Variants in PPFIA3 observed in about 807,000 individuals in gnomAD.
The protein encoded by PPFIA3 is PPFI scaffold protein A3.
Under a neutral mutation model 145.8 loss-of-function variants are expected in PPFIA3, and 26 were observed. The ratio of observed to expected loss-of-function variants is 0.18; its 90% confidence interval spans 0.13 to 0.25. The LOEUF (loss-of-function observed/expected upper bound fraction) is 0.25, where lower values mean the gene tolerates loss of function less well. Ranked by LOEUF, PPFIA3 falls within the 10% of genes least tolerant of loss-of-function variation. PPFIA3 has a pLI of 1.00. For missense variants in PPFIA3, 1,008 were observed against 1,587.8 expected, an observed-to-expected ratio of 0.63 and a Z score of 6.21; for synonymous variants, 645 against 661.4, an observed-to-expected ratio of 0.98 and a Z score of 0.38.
chr19:49,149,904 C>G lies in PPFIA3; in HGVS notation c.3527-176C>G. On this transcript the variant is annotated intron_variant, in intron 28 of 29. Coordinates refer to ENST00000334186, the MANE Select transcript of PPFIA3 (RefSeq NM_003660.4). This position sits in a 1 kb window ranked among gnomAD's most constrained non-coding sequence, Gnocchi z 5.7. The stretch of plus-strand genomic sequence containing the variant: ...TAAATCCCACTCCCCCTTCCCAGGG[C>G]GGGAGTGAACTCGCCCAATGCGAGT... The G allele has an allele frequency of 9.1e-7, 1 of 1,103,636 alleles. No homozygotes were observed. The highest frequency in any genetic ancestry group is 1.3e-6 in the Non-Finnish European group (1 of 782,464). The allele number at this position is 1,103,636 out of a possible 1,614,324, so 68.4% of individuals were successfully genotyped here. A position where few individuals can be genotyped will look rare whatever the true frequency, so the allele number is the denominator to read the frequency against.
Position 49,135,889 on chromosome 19 carries a change from G to A in PPFIA3, c.1631G>A (p.Gly544Asp), listed in dbSNP as rs1185208360. 1.9e-6 allele frequency: 3 copies of A among 1,613,176 alleles called. No individual in the cohort carries two copies. Among genetic ancestry groups the A allele is most frequent in the African/African-American group, 2.7e-5 (2 of 74,912 alleles). The change falls in exon 14 of 30, where the codon GGC becomes GAC. Residue 544 changes from glycine to aspartate, a missense_variant. Around this residue, in one of 11 missense-constraint regions of PPFIA3, gnomAD observed 121 missense variants for 138.2 expected, o/e 0.88. Transcript: ENST00000334186. The stretch of plus-strand genomic sequence containing the variant: ...GGCAGTGGTCGGGCAGGCAAGAGGG[G>A]CCGCTGGTCAGGGGTCAAGGAGGAG... ...VAGSGRAGKR[G>D]RWSGVKEEPS...
intron 24 of PPFIA3, 147 bp from the exon 25 acceptor site, chr19:49,148,519 C>T (rs570156646): frequency 2.7e-6 from 2 of 748,316 alleles, no homozygotes; most frequent in African/African-American, 1.8e-5. Context: ...GAAAATGCCT[C>T]ACCTCCTGAG....
rs1385620938 is a variant in PPFIA3, at chr19:49,128,570, C to G, written c.342+102C>G. The G allele has an allele frequency of 5.4e-6, 6 of 1,121,308 alleles. No homozygotes were observed. The highest frequency in any genetic ancestry group is 7.8e-6 in the Non-Finnish European group (6 of 768,544). 69.5% of individuals were successfully genotyped at this position (1,121,308 alleles called of 1,614,324 possible). Reference sequence around the variant, plus strand: ...GTTGCAGCGTGACCTATTTTTTTCCCCCATCTCGCCTTTCTGTCTTCTCCT... The same window carrying G: ...GTTGCAGCGTGACCTATTTTTTTCCGCCATCTCGCCTTTCTGTCTTCTCCT... On this transcript the variant is annotated intron_variant, in intron 3 of 29. Transcript: ENST00000334186. The surrounding 1 kb of genome is among the most constrained non-coding windows in gnomAD (Gnocchi z 4.1).
In PPFIA3 at chr19:49,134,849, C is replaced by T. The variant is rs1398409214; in HGVS notation, c.1454C>T (p.Ala485Val). ...ELLLNKEQLLAEMERMQMEID... is the reference protein window; with the variant it reads ...ELLLNKEQLLVEMERMQMEID... ...ACCGGCCCCCAGGAGCAGCTCTTGG[C>T]CGAAATGGAGCGGATGCAGATGGAG... Residue 485 changes from alanine to valine, a missense_variant, in exon 13 of 30, where the codon GCC (alanine) becomes GTC (valine). This residue lies in a region of PPFIA3 where 21 missense variants were observed against 46.4 expected (regional missense o/e 0.45). Transcript: ENST00000334186. The T allele has an allele frequency of 1.9e-5, 31 of 1,597,742 alleles. No individual in the cohort carries two copies. Among genetic ancestry groups the T allele is most frequent in the Non-Finnish European group, 2.6e-5 (30 of 1,170,336 alleles).
chr19:49,150,176 G>T, intron 29 of PPFIA3, 25 bp downstream of exon 29: 1 of 1,583,070 alleles, frequency 6.3e-7, no homozygotes, highest in South Asian at 1.1e-5. Context: ...GGGCGACCTT[G>T]GGGGTGCGGG....
At chr19:49,137,597 C>G (rs1277058119) in intron 15 of PPFIA3, among the ~76,000 whole-genome samples, 1 of 130,316 alleles carries the variant, frequency 7.7e-6, no homozygotes, top group African/African-American at 2.9e-5. Context: ...GCCATGCACT[C>G]CAGCCTGGGC....
intron 14 of PPFIA3, 77 bp downstream of exon 14, chr19:49,136,000 G>T: frequency 7.1e-7 from 1 of 1,399,338 alleles, no homozygotes; most frequent in Non-Finnish European, 9.3e-7. Context: ...AAATCTGTGG[G>T]GCTCCGGGAG....
chr19:49,142,109 G>C lies in PPFIA3; in HGVS notation c.2538G>C (p.Trp846Cys). 1 of 1,570,342 alleles carries C rather than the reference G, an allele frequency of 6.4e-7. No homozygotes were observed. Among genetic ancestry groups the C allele is most frequent in the Non-Finnish European group, 8.6e-7 (1 of 1,157,246 alleles). The change falls in exon 20 of 30, where the codon TGG becomes TGC. Residue 846 changes from tryptophan (W) to cysteine (C), a missense_variant. Trp to Cys is a radical substitution (Grantham distance 215). Coordinates refer to ENST00000334186, the MANE Select transcript of PPFIA3 (RefSeq NM_003660.4). ...AAWDGPTVVS[W>C]LELWVGMPAW... ...GGGACGGGCCCACCGTGGTGTCCTG[G>C]CTGGAGGTACTGGGGCCCAGAAATG...
intron 23 of PPFIA3, among the ~76,000 whole-genome samples, chr19:49,147,127 CA>C (rs1258016076): frequency 6.6e-6 from 1 of 152,152 alleles, no homozygotes; most frequent in African/African-American, 2.4e-5. Context: ...TAACATTAGA[CA>C]AGTATTTTCA....
rs760548169 is a variant in PPFIA3 at position 49,133,174 on chromosome 19, G to A, written c.1026+27G>A. The A allele has an allele frequency of 6.3e-7, 1 of 1,586,160 alleles. No homozygotes were observed. The highest frequency in any genetic ancestry group is 2.2e-5 in the East Asian group (1 of 44,508). ...TGGGGGCGCGGCCGGGAGGGGCGAT[G>A]GGGGCGGTGCCGGGGCCCAAGTGAC... On this transcript the variant is annotated intron_variant, in intron 8 of 29. Transcript: ENST00000334186. This position sits in a 1 kb window ranked among gnomAD's most constrained non-coding sequence, Gnocchi z 7.2.
At chr19:49,122,241 C>T (rs750258619) in intron 1 of PPFIA3, among the ~76,000 whole-genome samples, 16 of 151,468 alleles carry the variant, frequency 1.1e-4, no homozygotes, top group Non-Finnish European at 7.4e-5. Context: ...CCACCATGCC[C>T]GGCTAATTTT....
intron 1 of PPFIA3, among the ~76,000 whole-genome samples, chr19:49,123,009 C>T (rs867622551): frequency 6.6e-6 from 1 of 151,488 alleles, no homozygotes; most frequent in Non-Finnish European, 1.5e-5. Flanking sequence ...GCAGGAGCCA[C>T]CACGCCCGGC....
Position 49,150,366 on chromosome 19 carries a change from G to T in PPFIA3, c.*144G>T, listed in dbSNP as rs1333259422. The T allele has an allele frequency of 6.2e-6, 3 of 482,760 alleles. No homozygotes were observed. Among genetic ancestry groups the T allele is most frequent in the Non-Finnish European group, 1.1e-5 (3 of 271,832 alleles). 29.9% of individuals were successfully genotyped at this position (482,760 alleles called of 1,614,324 possible). On this transcript the variant is annotated 3_prime_UTR_variant, in exon 30 of 30. Transcript: ENST00000334186. ...ACTGGACCATCTGTACAGACCAGCG[G>T]GAGTGCGCGCGCCCGCCTCGCACAG...
At chr19:49,131,886 C>G (rs1266608762) in intron 7 of PPFIA3, among the ~76,000 whole-genome samples, 6 of 151,750 alleles carry the variant, frequency 4.0e-5, no homozygotes, top group African/African-American at 1.2e-4. Flanking sequence ...GTCGGGCGCC[C>G]GTAGTCCCAG....
At chr19:49,146,273 T>G (rs540051839) in intron 23 of PPFIA3, 81 bp downstream of exon 23, 204 of 1,509,794 alleles carry the variant, frequency 1.4e-4, no homozygotes, top group Non-Finnish European at 1.8e-4. Context: ...GCCCTGCCCC[T>G]GCCTTCACCA....
In PPFIA3 at chr19:49,127,865, A is replaced by G; in HGVS notation, c.-9A>G. ...TGCCCTCCCCGCCCCGCAGGCCCGC[A>G]CCGCCGCCATGATGTGCGAGGTGAT... On this transcript the variant is annotated 5_prime_UTR_variant, in exon 2 of 30. Coordinates refer to ENST00000334186, the MANE Select transcript of PPFIA3 (RefSeq NM_003660.4). The G allele has an allele frequency of 6.3e-7, 1 of 1,589,900 alleles. No homozygotes were observed. The highest frequency in any genetic ancestry group is 8.5e-7 in the Non-Finnish European group (1 of 1,177,162).
chr19:49,146,228 A>C (rs2041279063), intron 23 of PPFIA3, 36 bp downstream of exon 23: 1 of 1,610,254 alleles, frequency 6.2e-7, no homozygotes, highest in South Asian at 1.1e-5. Flanking sequence ...GCGCATGAAC[A>C]GGCTGTGCAC....
Position 49,149,810 on chromosome 19 carries a change from C to T in PPFIA3, c.3526+92C>T. On this transcript the variant is annotated intron_variant, in intron 28 of 29. Transcript: ENST00000334186. The surrounding 1 kb of genome is among the most constrained non-coding windows in gnomAD (Gnocchi z 5.7). ...AGTCCGGGTTCTGGAATGGCCTAGT[C>T]CTTTCTCGCCCACCCCTGAGGAATG... 7.0e-7 allele frequency: 1 copy of T among 1,427,598 alleles called. No homozygotes were observed. The highest frequency in any genetic ancestry group is 9.4e-7 in the Non-Finnish European group (1 of 1,066,546). 88.4% of individuals were successfully genotyped at this position (1,427,598 alleles called of 1,614,324 possible).
chr19:49,142,836 C>T lies in PPFIA3; in HGVS notation c.2577C>T (p.Ala859=), dbSNP rs1483955332. ...LWVGMPAWYV[A]ACRANVKSGA... ...TGGGCATGCCTGCCTGGTATGTGGC[C>T]GCCTGCCGGGCCAATGTCAAGAGCG... Residue 859 remains alanine, a synonymous_variant, in exon 21 of 30, where the codon GCC becomes GCT. Coordinates refer to ENST00000334186, the MANE Select transcript of PPFIA3 (RefSeq NM_003660.4). The T allele has an allele frequency of 3.7e-6, 6 of 1,613,716 alleles. No homozygotes were observed. Among genetic ancestry groups the T allele is most frequent in the Middle Eastern group, 1.6e-4 (1 of 6,066 alleles).
Sources: gnomAD v4.1 joint callset for allele counts (sites outside exome capture counted in the v4.1 genomes callset) on GRCh38, gnomAD v4.1.1 for gene constraint, gnomAD v4.1.1 regional missense constraint, Gnocchi (gnomAD v3.1) non-coding constraint, MANE v1.5 for transcripts, NCBI Gene and HGNC (gene_info 2026-07-23, HGNC 2026-07-21) for gene names.